ABCA3: variants seen among roughly 807,000 people sequenced by gnomAD.
ABCA3 encodes the protein ATP binding cassette subfamily A member 3.
A neutral mutation model predicts 172.8 loss-of-function variants in ABCA3; 88 were observed. The observed-to-expected ratio is 0.51, with a 90% CI of 0.43 to 0.61. The LOEUF is 0.61. Among genes scored for constraint, ABCA3 ranks in the 20% least tolerant of loss-of-function variants. The pLI is 0.00. For missense variants in ABCA3, 2,164 were observed against 2,301.0 expected (o/e 0.94, Z 1.22); for synonymous variants, 1,066 against 983.8 (o/e 1.08, Z -1.56).
Position 2,278,893 on chromosome 16 carries a change from A to G in ABCA3, c.4547+50T>C. ...TCACTCCCAGCTCTATGCTATGGGG[A>G]CCTTGATTCTGACTCCACTCTGGGA... On this transcript the variant is annotated intron_variant, in intron 29 of 32. Coordinates refer to ENST00000301732, the MANE Select transcript of ABCA3 (RefSeq NM_001089.3). This position sits in a 1 kb window ranked among gnomAD's most constrained non-coding sequence, Gnocchi z 4.4. 1.2e-6 allele frequency: 2 copies of G among 1,611,132 alleles called. No homozygotes were observed. The highest frequency in any genetic ancestry group is 8.5e-7 in the Non-Finnish European group (1 of 1,179,086).
At position 2,278,451 on chromosome 16, in the gene ABCA3, TACC is replaced by T. The variant is rs749245361; in HGVS notation, c.4552_4554del (p.Gly1518del). On this transcript the variant is annotated inframe_deletion, in exon 30 of 33. Transcript: ENST00000301732. The surrounding 1 kb of genome is among the most constrained non-coding windows in gnomAD (Gnocchi z 4.4). ...ATGCCGGTGCTCAGCTTCCGCTTGT[TACC>T]ACCACTAGAGGCAGGAGGGTGCCAG... 1 of 1,612,100 alleles carries T rather than the reference TACC, an allele frequency of 6.2e-7. No homozygotes were observed.
At chr16:2,280,996 A>T (rs1290844636) in intron 28 of ABCA3, 31 bp downstream of exon 28, 1 of 1,613,042 alleles carries the variant, frequency 6.2e-7, no homozygotes, top group Non-Finnish European at 8.5e-7. Flanking sequence ...TGCCTGTCTC[A>T]CCCCTTCAGA....
chr16:2,307,840 C>G (rs538869843), intron 11 of ABCA3, among the ~76,000 whole-genome samples: 1 of 152,084 alleles, frequency 6.6e-6, no homozygotes. Context: ...CTCCTGACCT[C>G]GTGATCCACC....
chr16:2,315,702 T>C (rs529499490), intron 10 of ABCA3, among the ~76,000 whole-genome samples: 5 of 152,102 alleles, frequency 3.3e-5, no homozygotes. Context: ...TCCCTCTCGT[T>C]CTCCAGGCTG....
At chr16:2,308,283 G>A (rs978983755) in intron 11 of ABCA3, among the ~76,000 whole-genome samples, 167 bp downstream of exon 11, 4 of 152,194 alleles carry the variant, frequency 2.6e-5, no homozygotes, top group Non-Finnish European at 4.4e-5. Flanking sequence ...GCCGTGTCCA[G>A]CTATCCAGCC....
chr16:2,323,247 C>T (rs1175441342), intron 7 of ABCA3: 9 of 526,140 alleles, frequency 1.7e-5, no homozygotes, highest in Non-Finnish European at 2.7e-5. Context: ...GTCAGTGTGG[C>T]GATTCCTCAG....
intron 10 of ABCA3, among the ~76,000 whole-genome samples, chr16:2,316,535 A>G (rs1280348437): frequency 1.5e-5 from 2 of 132,976 alleles, no homozygotes; most frequent in Non-Finnish European, 3.1e-5. Flanking sequence ...AAAATTAGCC[A>G]GGCGTGGTGG....
At chr16:2,332,743 T>C in intron 1 of ABCA3, 1 of 1,109,926 alleles carries the variant, frequency 9.0e-7, no homozygotes, top group Non-Finnish European at 1.3e-6. Flanking sequence ...CCTCCTCCAT[T>C]TCTTTATTTG....
Position 2,308,438 on chromosome 16 carries a change from G to C in ABCA3, c.1285+12C>G. 6.2e-7 allele frequency: 1 copy of C among 1,614,012 alleles called. No homozygotes were observed. The highest frequency in any genetic ancestry group is 8.5e-7 in the Non-Finnish European group (1 of 1,179,918). ...ATTCGGAAAGAACAGGCTGGACAAGGCAAACACTCACCTTTCGCCTCAAAT... is the reference window on the plus strand; with the variant it reads ...ATTCGGAAAGAACAGGCTGGACAAGCCAAACACTCACCTTTCGCCTCAAAT... On this transcript the variant is annotated intron_variant, in intron 11 of 32. Transcript: ENST00000301732.
Position 2,276,445 on chromosome 16 carries a change from G to A in ABCA3, c.*229C>T. 1.2e-6 allele frequency: 1 copy of A among 802,120 alleles called. No individual in the cohort carries two copies. Among genetic ancestry groups the A allele is most frequent in the Admixed American group, 2.2e-5 (1 of 46,116 alleles). The allele number at this position is 802,120 out of a possible 1,614,324, so 49.7% of individuals were successfully genotyped here. ...AGACTGCCCGGCCTGCCCCAGCTCT[G>A]GGAAAGTGAACTCCAGAGTATGCAG... On this transcript the variant is annotated 3_prime_UTR_variant, in exon 33 of 33. Coordinates refer to ENST00000301732, the MANE Select transcript of ABCA3 (RefSeq NM_001089.3).
chr16:2,336,603 T>A (rs2093752197), intron 1 of ABCA3, among the ~76,000 whole-genome samples: 3 of 139,378 alleles, frequency 2.2e-5, no homozygotes, highest in Admixed American at 2.1e-4. Context: ...GCTAATTTTT[T>A]TTTTTTTTTT....
intron 18 of ABCA3, 41 bp from the exon 19 acceptor site, chr16:2,292,279 C>A: frequency 1.9e-6 from 3 of 1,547,086 alleles, no homozygotes; most frequent in Non-Finnish European, 2.7e-6. Context: ...TTCTCAGTGA[C>A]TTTCTAGATA....
chr16:2,296,858 C>A (rs145000112), intron 17 of ABCA3, among the ~76,000 whole-genome samples: 11 of 152,290 alleles, frequency 7.2e-5, no homozygotes, highest in African/African-American at 2.6e-4. Context: ...TGCTCCACCC[C>A]GTTGGAATGT....
intron 19 of ABCA3, among the ~76,000 whole-genome samples, chr16:2,290,056 A>T (rs1291187867): frequency 1.3e-5 from 2 of 151,928 alleles, no homozygotes; most frequent in African/African-American, 4.8e-5. Context: ...TGCAGCAGGC[A>T]GGAGGCACCC....
chr16:2,293,285 C>G (rs1379405917), intron 18 of ABCA3, among the ~76,000 whole-genome samples: 1 of 151,074 alleles, frequency 6.6e-6, no homozygotes, highest in Non-Finnish European at 1.5e-5. Flanking sequence ...TCTCCTGACC[C>G]TGTGATCCAC....
chr16:2,327,233 C>A (rs2093735764), intron 3 of ABCA3, among the ~76,000 whole-genome samples: 2 of 152,110 alleles, frequency 1.3e-5, no homozygotes, highest in South Asian at 4.1e-4. Flanking sequence ...CCACCTCAGC[C>A]TCCCGAGTAG....
chr16:2,337,589 T>TC (rs1197008418), intron 1 of ABCA3, among the ~76,000 whole-genome samples: 1 of 151,902 alleles, frequency 6.6e-6, no homozygotes, highest in East Asian at 1.9e-4. Flanking sequence ...CTTGCCATGT[T>TC]GCCCAGGCTG....
chr16:2,331,696 T>C (rs1460605784), intron 1 of ABCA3, among the ~76,000 whole-genome samples: 2 of 152,266 alleles, frequency 1.3e-5, no homozygotes, highest in African/African-American at 2.4e-5. Flanking sequence ...AAGAAGTTAA[T>C]GTTCCTTCTG....
intron 1 of ABCA3, among the ~76,000 whole-genome samples, chr16:2,335,044 G>T (rs1054819772): frequency 1.3e-5 from 2 of 151,952 alleles, no homozygotes; most frequent in African/African-American, 2.4e-5. Context: ...GGCCAGGCTG[G>T]TCTCGAACTC....
Sources: allele counts gnomAD v4.1 joint callset (sites outside exome capture counted in the v4.1 genomes callset), GRCh38; gene constraint gnomAD v4.1.1; non-coding constraint Gnocchi (gnomAD v3.1); transcripts MANE v1.5; gene names NCBI Gene and HGNC (gene_info 2026-07-23, HGNC 2026-07-21).